The following IFNAR1 variants were observed in gnomAD, a reference collection of about 807,000 sequenced individuals.
IFNAR1 encodes interferon alpha/beta receptor 1.
IFNAR1 carries 47 observed loss-of-function variants against 62.1 expected under a neutral mutation model. The ratio of observed to expected loss-of-function variants is 0.76; its 90% CI spans 0.60 to 0.97. The LOEUF is 0.97. IFNAR1 is among the 50% of genes least tolerant of loss of function. IFNAR1 has a pLI of 0.00. For missense variants in IFNAR1, 638 were observed against 654.5 expected (o/e 0.97, Z 0.27); for synonymous variants, 219 against 226.9 (o/e 0.97, Z 0.31).
At chr21:33,332,110 G>T (rs2083187058) in intron 1 of IFNAR1, among the ~76,000 whole-genome samples, 1 of 152,130 alleles carries the variant, frequency 6.6e-6, no homozygotes, top group African/African-American at 2.4e-5. Context: ...CATATATATA[G>T]CCCCTGTCAG....
rs370122099 is a variant in IFNAR1 at position 33,335,960 on chromosome 21, A to G, written c.200+313A>G. Reference sequence around the variant, plus strand: ...TATTATACTTTAAGTTTTAGGGTACATGTGCACAATGTGCAGGTTAGTTAC... The same window carrying G: ...TATTATACTTTAAGTTTTAGGGTACGTGTGCACAATGTGCAGGTTAGTTAC... On this transcript the variant is annotated intron_variant, in intron 2 of 10. Coordinates refer to ENST00000270139, the MANE Select transcript of IFNAR1 (RefSeq NM_000629.3). Among the ~76,000 whole-genome samples, 91 of 145,000 alleles carry G rather than the reference A, an allele frequency of 6.3e-4. 1 individual carries two copies. In the East Asian group the frequency reaches 0.013, roughly 20 times the overall value.
intron 3 of IFNAR1, among the ~76,000 whole-genome samples, chr21:33,341,577 C>T (rs1284715865): frequency 6.6e-6 from 1 of 152,118 alleles, no homozygotes; most frequent in Non-Finnish European, 1.5e-5. Context: ...TTAATCCAAA[C>T]ATTCAAAAGA....
chr21:33,326,535 A>G (rs2083128603), intron 1 of IFNAR1, among the ~76,000 whole-genome samples: 1 of 152,162 alleles, frequency 6.6e-6, no homozygotes. Context: ...TAGGAACTAG[A>G]CTTAGGTTGT....
intron 5 of IFNAR1, 92 bp downstream of exon 5, chr21:33,343,768 G>A: frequency 1.3e-6 from 1 of 752,138 alleles, no homozygotes; most frequent in Non-Finnish European, 2.2e-6. Context: ...TTACATGATA[G>A]GTCAATATAT....
chr21:33,324,832 A>C, upstream of IFNAR1: 1 of 557,126 alleles, frequency 1.8e-6, no homozygotes, highest in African/African-American at 1.9e-5. Flanking sequence ...AGCTTGGAGA[A>C]GGGGTGCTAG....
At chr21:33,336,474 T>C (rs1178050461) in intron 2 of IFNAR1, among the ~76,000 whole-genome samples, 1 of 149,298 alleles carries the variant, frequency 6.7e-6, no homozygotes, top group Non-Finnish European at 1.5e-5. Context: ...GTATTTCTAG[T>C]TCTAGATCCC....
chr21:33,334,044 TAAACAGACATTAAGTCAAAAACTGTAA>T (rs1346733500), intron 1 of IFNAR1, among the ~76,000 whole-genome samples: 4 of 152,062 alleles, frequency 2.6e-5, no homozygotes, highest in Non-Finnish European at 5.9e-5. Flanking sequence ...TATGTCAGAT[TAAACAGACATTAAGTCAAAAACTGTAA>T]AAACAGACAA....
rs150805896 is a variant in IFNAR1, at chr21:33,343,322, T to C, written c.431T>C (p.Ile144Thr). The part of the protein sequence containing the change: ...HLEAEDKAIV[I>T]HISPGTKDSV... ...GAAGCTGAAGATAAGGCAATAGTGA[T>C]ACACATCTCTCCTGGAACAAAAGAT... The change falls in exon 4 of 11, where the codon ATA becomes ACA. Residue 144 changes from isoleucine to threonine, a missense_variant. By Grantham distance (89) the Ile-to-Thr change is moderately conservative (BLOSUM62 -1). Transcript: ENST00000270139. The C allele has an allele frequency of 6.2e-7, 1 of 1,612,784 alleles. No homozygotes were observed. The highest frequency in any genetic ancestry group is 8.5e-7 in the Non-Finnish European group (1 of 1,178,764).
intron 6 of IFNAR1, among the ~76,000 whole-genome samples, chr21:33,345,899 T>C (rs2083340914): frequency 6.6e-6 from 1 of 152,224 alleles, no homozygotes; most frequent in Non-Finnish European, 1.5e-5. Flanking sequence ...TAGCTAAACA[T>C]GGATGAAGTC....
At chr21:33,342,706 A>AC (rs2044762787) in intron 3 of IFNAR1, among the ~76,000 whole-genome samples, 1 of 148,830 alleles carries the variant, frequency 6.7e-6, no homozygotes, top group South Asian at 2.1e-4. Flanking sequence ...AAAAAAAAAA[A>AC]ACTAGCCGGG....
In IFNAR1 at chr21:33,325,003, A is replaced by G. The variant is rs1437188586; in HGVS notation, c.-53A>G. On this transcript the variant is annotated 5_prime_UTR_variant, in exon 1 of 11. Transcript: ENST00000270139. ...TTAGGACGGGGCGATGGCGGCTGAG[A>G]GGAGCTGCGCGTGCGCGAACATGTA... 18 of 1,504,272 alleles carry G rather than the reference A, an allele frequency of 1.2e-5. No individual in the cohort carries two copies. The highest frequency in any genetic ancestry group is 2.0e-5 in the Admixed American group (1 of 51,012). The allele number at this position is 1,504,272 out of a possible 1,614,324, so 93.2% of individuals were successfully genotyped here.
At chr21:33,330,843 T>C (rs2083171089) in intron 1 of IFNAR1, among the ~76,000 whole-genome samples, 1 of 152,138 alleles carries the variant, frequency 6.6e-6, no homozygotes. Context: ...AGCTACACCA[T>C]GGGCACCAAC....
At chr21:33,326,867 T>TA (rs2083131543) in intron 1 of IFNAR1, among the ~76,000 whole-genome samples, 1 of 152,122 alleles carries the variant, frequency 6.6e-6, no homozygotes. Context: ...AAATTCTTCA[T>TA]ACTTACTTGG....
intron 1 of IFNAR1, among the ~76,000 whole-genome samples, chr21:33,328,105 T>C (rs951555860): frequency 6.6e-6 from 1 of 152,220 alleles, no homozygotes; most frequent in African/African-American, 2.4e-5. Context: ...GTTTTTGTTT[T>C]GTTTGTTTTC....
intron 6 of IFNAR1, among the ~76,000 whole-genome samples, chr21:33,345,831 A>G (rs1038029496): frequency 6.6e-6 from 1 of 152,190 alleles, no homozygotes; most frequent in Non-Finnish European, 1.5e-5. Flanking sequence ...TTTGTAGTAG[A>G]TACTTCGGTG....
At chr21:33,349,935 T>A (rs923894780) in intron 8 of IFNAR1, among the ~76,000 whole-genome samples, 1 of 150,410 alleles carries the variant, frequency 6.6e-6, no homozygotes, top group African/African-American at 2.4e-5. Flanking sequence ...AAAAAAAAAA[T>A]GTGATTAACT....
chr21:33,329,835 G>GGA (rs2083159262), intron 1 of IFNAR1, among the ~76,000 whole-genome samples: 1 of 152,164 alleles, frequency 6.6e-6, no homozygotes, highest in Non-Finnish European at 1.5e-5. Flanking sequence ...CAATCTAGTT[G>GGA]GAGATTTATG....
At chr21:33,327,637 A>G (rs2083139155) in intron 1 of IFNAR1, among the ~76,000 whole-genome samples, 1 of 152,214 alleles carries the variant, frequency 6.6e-6, no homozygotes, top group East Asian at 1.9e-4. Context: ...AATTATCAGT[A>G]TCTTTCAGTT....
chr21:33,343,255 G>C lies in IFNAR1; in HGVS notation c.377-13G>C, dbSNP rs193278382. On this transcript the variant is annotated splice_polypyrimidine_tract_variant and intron_variant, in intron 3 of 10. Coordinates refer to ENST00000270139, the MANE Select transcript of IFNAR1 (RefSeq NM_000629.3). ...AATAAAGTTCCATAGTAATTGTTTT[G>C]ATTTTTTTGCAGCTCAGATTGGTCC... 5 of 1,606,412 alleles carry C rather than the reference G, an allele frequency of 3.1e-6. No homozygotes were observed. The Admixed American group carries it at 8.6e-5, about 28-fold the overall frequency.
Sources: allele counts gnomAD v4.1 joint callset (sites outside exome capture counted in the v4.1 genomes callset), GRCh38; gene constraint gnomAD v4.1.1; transcripts MANE v1.5; gene names NCBI Gene and HGNC (gene_info 2026-07-23, HGNC 2026-07-21).